The following PDE3A variants were observed in gnomAD, a reference collection of about 807,000 sequenced individuals.
PDE3A encodes cGMP-inhibited 3',5'-cyclic phosphodiesterase 3A.
PDE3A carries 43 observed loss-of-function variants against 98.3 expected under a neutral mutation model. The ratio of observed to expected loss-of-function variants is 0.44; its 90% CI spans 0.34 to 0.56. The LOEUF (loss-of-function observed/expected upper bound fraction) is 0.56, where lower values mean the gene tolerates loss of function less well. PDE3A is among the 20% of genes least tolerant of loss of function. The pLI is 0.01. For synonymous variants in PDE3A, 663 were observed against 567.9 expected (o/e 1.17, Z -2.38); for missense variants, 1,427 against 1,440.7 (o/e 0.99, Z 0.15).
At chr12:20,639,255 T>C (rs1327828058) in intron 9 of PDE3A, among the ~76,000 whole-genome samples, 1 of 152,032 alleles carries the variant, frequency 6.6e-6, no homozygotes, top group Non-Finnish European at 1.5e-5. Context: ...CAGTAGACAA[T>C]AAAAAGATTA....
chr12:20,519,527 T>C (rs1407495778), intron 1 of PDE3A, among the ~76,000 whole-genome samples: 1 of 152,240 alleles, frequency 6.6e-6, no homozygotes, highest in Non-Finnish European at 1.5e-5. Flanking sequence ...TGCCCTTTGA[T>C]GTATATATTC....
intron 2 of PDE3A, among the ~76,000 whole-genome samples, chr12:20,593,351 C>T (rs1035109286): frequency 6.6e-6 from 1 of 152,086 alleles, no homozygotes; most frequent in Non-Finnish European, 1.5e-5. Context: ...TGTTAACACA[C>T]TTAAAGACAA....
intron 2 of PDE3A, among the ~76,000 whole-genome samples, chr12:20,587,193 C>A (rs1943218692): frequency 1.3e-5 from 2 of 152,026 alleles, no homozygotes; most frequent in Admixed American, 1.3e-4. Context: ...CATGGTGAAA[C>A]CCCATCTTTA....
At chr12:20,560,787 G>A (rs1942496538) in intron 2 of PDE3A, among the ~76,000 whole-genome samples, 1 of 152,122 alleles carries the variant, frequency 6.6e-6, no homozygotes, top group African/African-American at 2.4e-5. Flanking sequence ...GCGGTTCAGG[G>A]AAGGGAATGT....
chr12:20,399,976 A>G (rs1944091320), intron 1 of PDE3A, among the ~76,000 whole-genome samples: 1 of 152,214 alleles, frequency 6.6e-6, no homozygotes, highest in Non-Finnish European at 1.5e-5. Context: ...AGAAAGAACA[A>G]GTTATTTTGT....
intron 15 of PDE3A, among the ~76,000 whole-genome samples, chr12:20,660,079 A>G (rs1945128997): frequency 6.6e-6 from 1 of 152,156 alleles, no homozygotes; most frequent in South Asian, 2.1e-4. Flanking sequence ...TAATCGAATC[A>G]TAAGGGGAGT....
chr12:20,655,276 G>C (rs938537647), intron 15 of PDE3A, among the ~76,000 whole-genome samples: 1 of 152,142 alleles, frequency 6.6e-6, no homozygotes, highest in Non-Finnish European at 1.5e-5. Context: ...AAAAGAAAAA[G>C]AAAAGACCTG....
chr12:20,546,765 G>T (rs1942071300), intron 1 of PDE3A, among the ~76,000 whole-genome samples: 1 of 152,016 alleles, frequency 6.6e-6, no homozygotes, highest in South Asian at 2.1e-4. Context: ...TATTTAGTAT[G>T]ACTAATATAA....
chr12:20,574,885 C>G (rs1235830626), intron 2 of PDE3A, among the ~76,000 whole-genome samples: 1 of 151,998 alleles, frequency 6.6e-6, no homozygotes, highest in African/African-American at 2.4e-5. Context: ...GCCTCATAAT[C>G]TATTCTACCA....
At chr12:20,425,049 A>G (rs770262730) in intron 1 of PDE3A, among the ~76,000 whole-genome samples, 18 of 152,218 alleles carry the variant, frequency 1.2e-4, no homozygotes, top group Non-Finnish European at 2.2e-4. Flanking sequence ...TGTGTCATTC[A>G]TTTGAAAGAA....
intron 14 of PDE3A, among the ~76,000 whole-genome samples, chr12:20,652,980 C>G (rs577074944): frequency 4.2e-4 from 64 of 152,076 alleles, no homozygotes; most frequent in African/African-American, 1.5e-3. Context: ...TCATAAATCT[C>G]GAAATATGGA....
rs960435682 is a variant in PDE3A, at chr12:20,429,369, C to A, written c.960+59125C>A. On this transcript the variant is annotated intron_variant, in intron 1 of 15. Coordinates refer to ENST00000359062, the MANE Select transcript of PDE3A (RefSeq NM_000921.5). Reference sequence around the variant, plus strand: ...TTTGACTGTGTTTTCTTATTATTAACCCTTGCCTCAAATTGTTCCCTGGGA... The same window carrying A: ...TTTGACTGTGTTTTCTTATTATTAAACCTTGCCTCAAATTGTTCCCTGGGA... Among the ~76,000 whole-genome samples the A allele has an allele frequency of 9.2e-5, 14 of 152,274 alleles. No individual in the cohort carries two copies. In the South Asian group the frequency reaches 2.5e-3, roughly 27 times the overall value.
intron 12 of PDE3A, 58 bp downstream of exon 12, chr12:20,647,008 G>A: frequency 8.0e-7 from 1 of 1,243,940 alleles, no homozygotes; most frequent in Non-Finnish European, 1.2e-6. Flanking sequence ...AGAAAGTGAA[G>A]TTCAGTGTGA....
chr12:20,480,480 A>G (rs912148362), intron 1 of PDE3A, among the ~76,000 whole-genome samples: 3 of 152,232 alleles, frequency 2.0e-5, no homozygotes, highest in Non-Finnish European at 4.4e-5. Flanking sequence ...TAACATGATC[A>G]ACTACTTTTT....
intron 1 of PDE3A, among the ~76,000 whole-genome samples, chr12:20,526,628 G>A (rs1592019764): frequency 6.6e-6 from 1 of 152,110 alleles, no homozygotes; most frequent in Admixed American, 6.5e-5. Context: ...ATTTGCGATA[G>A]AAAAGACTCA....
intron 2 of PDE3A, among the ~76,000 whole-genome samples, chr12:20,610,576 T>C (rs541369220): frequency 6.6e-6 from 1 of 152,112 alleles, no homozygotes; most frequent in African/African-American, 2.4e-5. Flanking sequence ...CTCATGTTCA[T>C]TGCATTATTC....
intron 6 of PDE3A, among the ~76,000 whole-genome samples, chr12:20,633,046 G>A (rs570534229): frequency 1.1e-3 from 156 of 145,436 alleles, no homozygotes; most frequent in Middle Eastern, 4.0e-3. Flanking sequence ...CATCTCCCAG[G>A]TTCAAGCGAT....
intron 1 of PDE3A, among the ~76,000 whole-genome samples, chr12:20,514,280 A>G (rs941181562): frequency 2.0e-5 from 3 of 152,152 alleles, no homozygotes; most frequent in African/African-American, 4.8e-5. Context: ...TTGATTACTC[A>G]ACTGATTGAC....
chr12:20,554,870 C>T (rs1010353192), intron 1 of PDE3A, among the ~76,000 whole-genome samples: 11 of 152,050 alleles, frequency 7.2e-5, no homozygotes, highest in Non-Finnish European at 1.5e-4. Context: ...TGTTTTCTTG[C>T]TTATATTTTG....
Sources: allele counts gnomAD v4.1 joint callset (sites outside exome capture counted in the v4.1 genomes callset), GRCh38; gene constraint gnomAD v4.1.1; transcripts MANE v1.5; gene names NCBI Gene and HGNC (gene_info 2026-07-23, HGNC 2026-07-21).